The following PPEF1 variants were observed in gnomAD, a reference collection of about 807,000 sequenced individuals.
The protein encoded by PPEF1 is serine/threonine-protein phosphatase with EF-hands 1.
In PPEF1, 12 loss-of-function variants were observed where a neutral mutation model predicts 53.3. The ratio of observed to expected loss-of-function variants is 0.23; its 90% CI spans 0.14 to 0.36. The LOEUF (loss-of-function observed/expected upper bound fraction) is 0.36. PPEF1 is among the 10% of genes least tolerant of loss of function. PPEF1 has a pLI of 1.00. For synonymous variants in PPEF1, 165 were observed against 176.7 expected (o/e 0.93, Z 0.52); for missense variants, 334 against 490.4 (o/e 0.68, Z 3.01).
chrX:18,784,785 T>C lies in PPEF1; in HGVS notation c.912+737T>C, dbSNP rs1425344981. 2.7e-5 allele frequency among the ~76,000 whole-genome samples: 3 copies of C among 111,368 alleles called. No individual in the cohort carries two copies. In the Admixed American group the frequency reaches 2.9e-4, roughly 11 times the overall value. ...TAAATACAAGCAGAGCAGGAGCTAG[T>C]ATGGAACCTCTGAGACAAGTGGCTA... On this transcript the variant is annotated intron_variant, in intron 9 of 15. Transcript: ENST00000470157.
At chrX:18,757,487 C>G (rs1602418921) in intron 4 of PPEF1, 140 bp from the exon 5 acceptor site, 2 of 474,599 alleles carry the variant, frequency 4.2e-6, no homozygotes, top group South Asian at 6.6e-5. Flanking sequence ...CTAGAATGAT[C>G]TATTTCAGAA....
intron 6 of PPEF1, among the ~76,000 whole-genome samples, chrX:18,762,886 T>G (rs1053850540): frequency 1.1e-4 from 12 of 111,789 alleles, no homozygotes; most frequent in African/African-American, 3.9e-4. Flanking sequence ...TTATTGTTCC[T>G]GGACCAAACT....
At chrX:18,734,186 T>G (rs2044908102) in intron 3 of PPEF1, among the ~76,000 whole-genome samples, 1 of 109,252 alleles carries the variant, frequency 9.2e-6, no homozygotes, top group Non-Finnish European at 1.9e-5. Context: ...ACGTGCAGGT[T>G]TGTTACTTAT....
At chrX:18,743,364 G>C (rs1351842594) in intron 3 of PPEF1, among the ~76,000 whole-genome samples, 4 of 109,475 alleles carry the variant, frequency 3.7e-5, no homozygotes, top group Non-Finnish European at 7.6e-5. Context: ...AATATCTAGT[G>C]GTATCGTATT....
rs745964601 is a variant in PPEF1 at position 18,827,298 on chromosome X, T to C, written c.1773T>C (p.Phe591=). 5 of 1,206,833 alleles carry C rather than the reference T, an allele frequency of 4.1e-6. No individual in the cohort carries two copies. The African/African-American group carries it at 7.0e-5, about 17-fold the overall frequency. Residue 591 remains phenylalanine, a synonymous_variant, in exon 16 of 16, where the codon TTT becomes TTC. Transcript: ENST00000470157. The part of the protein sequence containing the change: ...DHSGLISVEE[F]RAMWKLFSSH... ...TAGGCCTGATCTCCGTGGAAGAATTTCGTGCCATGTGGAAACTTTTTAGTT... is the reference window on the plus strand; with the variant it reads ...TAGGCCTGATCTCCGTGGAAGAATTCCGTGCCATGTGGAAACTTTTTAGTT...
In PPEF1 at chrX:18,730,245, A is replaced by G. The variant is rs1569250196; in HGVS notation, c.111A>G (p.Arg37=). The G allele has an allele frequency of 5.0e-6, 6 of 1,208,058 alleles. No individual in the cohort carries two copies. The African/African-American group carries it at 5.3e-5, about 11-fold the overall frequency. Residue 37 remains arginine, a synonymous_variant, in exon 2 of 16, where the codon AGA becomes AGG. Coordinates refer to ENST00000470157, the MANE Select transcript of PPEF1 (RefSeq NM_001377996.1). ...GTTACAAAGCTCGACTGAAGGCCAG[A>G]CAACACTATGCCCTCACCATCTTCC... is the stretch of plus-strand genomic sequence containing the variant. ...YRGYKARLKA[R]QHYALTIFQS... is the part of the protein sequence containing the mutation.
chrX:18,817,068 A>ATATGTGTGTG (rs1491253769), intron 12 of PPEF1, among the ~76,000 whole-genome samples: 3,172 of 100,043 alleles, frequency 0.032, 44 homozygotes, highest in East Asian at 0.061. Context: ...TCATTTTGCC[A>ATATGTGTGTG]TGTGTGTGTG....
At chrX:18,811,597 ATATATATATATATATATAT>A (rs1236195325) in intron 12 of PPEF1, among the ~76,000 whole-genome samples, 5 of 21,060 alleles carry the variant, frequency 2.4e-4, no homozygotes, top group African/African-American at 9.1e-4. Context: ...GTATATATAT[ATATATATATATATATATAT>A]TTTTTTTTTT....
rs1186766016 is a variant in PPEF1 at position 18,783,206 on chromosome X, T to G, written c.763-693T>G. On this transcript the variant is annotated intron_variant, in intron 8 of 15. Transcript: ENST00000470157. Reference sequence around the variant, plus strand: ...CTGACCAATTTGAGTAATTTCAGACTGCTCTGGGCCACAGAGGTTGTCCCT... The same window carrying G: ...CTGACCAATTTGAGTAATTTCAGACGGCTCTGGGCCACAGAGGTTGTCCCT... 3.7e-5 allele frequency among the ~76,000 whole-genome samples: 4 copies of G among 109,249 alleles called. No homozygotes were observed. In the Admixed American group the frequency reaches 3.9e-4, roughly 11 times the overall value. The allele number at this position is 109,249 out of a possible 115,157, so 94.9% of individuals were successfully genotyped here. A position where few individuals can be genotyped will look rare whatever the true frequency, so the allele number is the denominator to read the frequency against.
intron 1 of PPEF1, among the ~76,000 whole-genome samples, chrX:18,726,215 G>A (rs1355508263): frequency 2.7e-5 from 3 of 110,646 alleles, no homozygotes; most frequent in Admixed American, 9.7e-5. Context: ...TTAGCTGGGC[G>A]TGGTGGTGGG....
chrX:18,733,751 T>C lies in PPEF1; in HGVS notation c.178T>C (p.Ser60Pro), dbSNP rs1187573677. ...YADEQGQMQL[S>P]TFFSFMLENY... ...AATTTTTTTTTATTTTGTCCAGTTA[T>C]CCACCTTCTTTTCCTTCATGTTGGA... Residue 60 changes from serine to proline, a missense_variant, in exon 3 of 16, where the codon TCC becomes CCC. Physicochemically the swap from Ser to Pro is moderately conservative, Grantham distance 74. Coordinates refer to ENST00000470157, the MANE Select transcript of PPEF1 (RefSeq NM_001377996.1). 3 of 1,189,238 alleles carry C rather than the reference T, an allele frequency of 2.5e-6. No homozygotes were observed. The highest frequency in any genetic ancestry group is 3.7e-5 in the South Asian group (2 of 53,793).
intron 1 of PPEF1, among the ~76,000 whole-genome samples, chrX:18,716,803 G>A (rs1235074473): frequency 1.8e-5 from 2 of 110,960 alleles, no homozygotes; most frequent in Non-Finnish European, 3.8e-5. Context: ...TAGCCATCAA[G>A]CAGTCTTTAC....
At chrX:18,713,420 CTT>C (rs55997147) in intron 1 of PPEF1, among the ~76,000 whole-genome samples, 1 of 77,497 alleles carries the variant, frequency 1.3e-5, no homozygotes, top group African/African-American at 4.9e-5. Context: ...CCTTAAAATT[CTT>C]TTTTTTTTTT....
intron 6 of PPEF1, among the ~76,000 whole-genome samples, chrX:18,764,194 A>C: frequency 9.0e-6 from 1 of 111,484 alleles, no homozygotes; most frequent in South Asian, 3.8e-4. Flanking sequence ...TGGGCAGCCC[A>C]AGCCATCGAA....
At chrX:18,804,208 A>G (rs1418621826) in intron 11 of PPEF1, 131 bp downstream of exon 11, 4 of 565,681 alleles carry the variant, frequency 7.1e-6, no homozygotes, top group Non-Finnish European at 7.9e-6. Flanking sequence ...AAACCAGAGA[A>G]GGCGAGCTTC....
chrX:18,715,540 A>C (rs756144017), intron 1 of PPEF1, among the ~76,000 whole-genome samples: 1 of 111,883 alleles, frequency 8.9e-6, no homozygotes, highest in South Asian at 3.7e-4. Context: ...TCTCAAAAAA[A>C]AAAGTAACAT....
intron 3 of PPEF1, among the ~76,000 whole-genome samples, chrX:18,746,108 C>G (rs950546792): frequency 1.8e-5 from 2 of 111,616 alleles, no homozygotes; most frequent in Non-Finnish European, 3.8e-5. Context: ...GTAAAGGTAT[C>G]ATTTGCCTAT....
intron 12 of PPEF1, among the ~76,000 whole-genome samples, chrX:18,811,161 T>A (rs929240886): frequency 8.9e-6 from 1 of 112,159 alleles, no homozygotes; most frequent in Non-Finnish European, 1.9e-5. Context: ...AAAGTGATTC[T>A]CCTGCCTCAG....
chrX:18,761,430 G>A, intron 5 of PPEF1, 100 bp from the exon 6 acceptor site: 2 of 730,304 alleles, frequency 2.7e-6, no homozygotes, highest in Non-Finnish European at 4.3e-6. Context: ...AAAACCCAAT[G>A]CCCTGAGAAC....
Sources: allele counts gnomAD v4.1 joint callset (sites outside exome capture counted in the v4.1 genomes callset), GRCh38; gene constraint gnomAD v4.1.1; transcripts MANE v1.5; gene names NCBI Gene and HGNC (gene_info 2026-07-23, HGNC 2026-07-21).